CUL5: variants seen among roughly 807,000 people sequenced by gnomAD.
The protein encoded by CUL5 is cullin 5.
A neutral mutation model predicts 108.8 loss-of-function variants in CUL5; 26 were observed. The ratio of observed to expected loss-of-function variants is 0.24; its 90% CI spans 0.18 to 0.33. The LOEUF (loss-of-function observed/expected upper bound fraction) is 0.33. CUL5 is among the 10% of genes least tolerant of loss of function. The pLI, the probability that CUL5 is intolerant of heterozygous loss-of-function variation, is 1.00. For synonymous variants in CUL5, 334 were observed against 298.0 expected (o/e 1.12, Z -1.25); for missense variants, 524 against 909.2 (o/e 0.58, Z 5.45).
At position 108,106,711 on chromosome 11, in the gene CUL5, T is replaced by C. The variant is rs1864812095; in HGVS notation, c.*2327T>C. The C allele has an allele frequency of 6.6e-6, 1 of 151,732 alleles. No homozygotes were observed. Among genetic ancestry groups the C allele is most frequent in the Non-Finnish European group, 1.5e-5 (1 of 67,884 alleles). 9.4% of individuals were successfully genotyped at this position (151,732 alleles called of 1,614,324 possible). A position where few individuals can be genotyped will look rare whatever the true frequency, so the allele number is the denominator to read the frequency against. Reference sequence around the variant, plus strand: ...AAAAAAAAATCTTACCAGCAGTTTGTAAAGGTCTGGAATCACAGTTGGCAT... The same window carrying C: ...AAAAAAAAATCTTACCAGCAGTTTGCAAAGGTCTGGAATCACAGTTGGCAT... On this transcript the variant is annotated 3_prime_UTR_variant, in exon 19 of 19. Transcript: ENST00000393094.
intron 7 of CUL5, among the ~76,000 whole-genome samples, chr11:108,062,938 T>C (rs548491938): frequency 1.3e-5 from 2 of 152,216 alleles, no homozygotes; most frequent in South Asian, 4.2e-4. Flanking sequence ...CTCCGCCTCC[T>C]GGGTTCAAGT....
intron 2 of CUL5, among the ~76,000 whole-genome samples, chr11:108,036,110 C>T (rs889032546): frequency 2.6e-5 from 4 of 152,162 alleles, no homozygotes; most frequent in Non-Finnish European, 5.9e-5. Context: ...TCTAATTTCA[C>T]AAGAATTCAA....
chr11:108,102,617 C>T (rs1258830724), intron 18 of CUL5, among the ~76,000 whole-genome samples: 1 of 152,152 alleles, frequency 6.6e-6, no homozygotes, highest in Non-Finnish European at 1.5e-5. Flanking sequence ...AGGCATGAGC[C>T]ACCCTCCCTG....
At chr11:108,077,080 C>G (rs1244377821) in intron 10 of CUL5, among the ~76,000 whole-genome samples, 6 of 152,160 alleles carry the variant, frequency 3.9e-5, no homozygotes. Context: ...CTGACACAGG[C>G]TCTAATCACC....
At chr11:108,030,799 T>C (rs1460610104) in intron 1 of CUL5, among the ~76,000 whole-genome samples, 1 of 152,216 alleles carries the variant, frequency 6.6e-6, no homozygotes, top group African/African-American at 2.4e-5. Flanking sequence ...ATAGACCATC[T>C]AACATTATTT....
At chr11:108,012,055 A>G (rs955177564) in intron 1 of CUL5, among the ~76,000 whole-genome samples, 4 of 152,240 alleles carry the variant, frequency 2.6e-5, no homozygotes, top group African/African-American at 7.2e-5. Context: ...TGACATATAC[A>G]GTTAACTGCT....
At chr11:108,018,692 A>T (rs1431633338) in intron 1 of CUL5, among the ~76,000 whole-genome samples, 3 of 151,956 alleles carry the variant, frequency 2.0e-5, no homozygotes, top group Non-Finnish European at 4.4e-5. Flanking sequence ...AAAGAGAGAG[A>T]GAAACATCAC....
intron 3 of CUL5, among the ~76,000 whole-genome samples, chr11:108,048,225 A>T (rs1863114084): frequency 6.6e-6 from 1 of 152,032 alleles, no homozygotes; most frequent in South Asian, 2.1e-4. Flanking sequence ...ATATGCATTG[A>T]AATGTTTATA....
intron 10 of CUL5, 81 bp downstream of exon 10, chr11:108,073,578 T>G (rs1166664220): frequency 5.2e-6 from 3 of 580,266 alleles, no homozygotes. Context: ...TTTGCATTAT[T>G]TTTCTATTAA....
chr11:108,083,475 A>T (rs1864148942), intron 11 of CUL5, among the ~76,000 whole-genome samples: 1 of 152,194 alleles, frequency 6.6e-6, no homozygotes, highest in Admixed American at 6.5e-5. Flanking sequence ...ACTATGTCCT[A>T]CTTTTAGCTC....
chr11:108,098,168 A>G (rs1353594243), intron 17 of CUL5, among the ~76,000 whole-genome samples: 1 of 152,218 alleles, frequency 6.6e-6, no homozygotes, highest in African/African-American at 2.4e-5. Flanking sequence ...AATATAAAAT[A>G]TTAACTTTGT....
chr11:108,025,201 T>C (rs1013259227), intron 1 of CUL5, among the ~76,000 whole-genome samples: 4 of 152,224 alleles, frequency 2.6e-5, no homozygotes, highest in Non-Finnish European at 4.4e-5. Context: ...TTTGGTCATA[T>C]AGAATATGTA....
intron 11 of CUL5, among the ~76,000 whole-genome samples, chr11:108,079,114 A>T (rs569678547): frequency 6.6e-6 from 1 of 151,760 alleles, no homozygotes; most frequent in Non-Finnish European, 1.5e-5. Flanking sequence ...TAATTTATTT[A>T]TTTATTCGAG....
Position 108,104,332 on chromosome 11 carries a change from A to G in CUL5, c.2291A>G (p.Lys764Arg). The G allele has an allele frequency of 1.3e-6, 2 of 1,599,968 alleles. No homozygotes were observed. Among genetic ancestry groups the G allele is most frequent in the Non-Finnish European group, 1.7e-6 (2 of 1,175,868 alleles). Residue 764 changes from lysine to arginine, a missense_variant, in exon 19 of 19, where the codon AAA becomes AGA. Coordinates refer to ENST00000393094, the MANE Select transcript of CUL5 (RefSeq NM_003478.6). ...CAAATAGAGTGGCTAATAGAGCACA[A>G]ATACATCAGAAGAGATGAATCTGAT... is the stretch of plus-strand genomic sequence containing the variant. ...KEQIEWLIEH[K>R]YIRRDESDIN...
chr11:108,065,009 TTTTA>T lies in CUL5; in HGVS notation c.781-5078_781-5075del, dbSNP rs889787731. 3.9e-5 allele frequency among the ~76,000 whole-genome samples: 6 copies of T among 151,936 alleles called. No individual in the cohort carries two copies. The South Asian group carries it at 6.2e-4, about 16-fold the overall frequency. ...CTTTGTTGGGAGAAATTTTATTTCA[TTTTA>T]TTTATTTAATTAATTAATTAATTTT... On this transcript the variant is annotated intron_variant, in intron 7 of 18. Transcript: ENST00000393094.
rs761793326 is a variant in CUL5 at position 108,088,509 on chromosome 11, TTTTAA to T, written c.1179-14_1179-10del. ...CATTAATCATTTTTCCATCAACTGC[TTTTAA>T]TTTGTTTTTTAGGGTGGGATTAAAA... On this transcript the variant is annotated splice_polypyrimidine_tract_variant and intron_variant, in intron 11 of 18. Coordinates refer to ENST00000393094, the MANE Select transcript of CUL5 (RefSeq NM_003478.6). 9.5e-6 allele frequency: 15 copies of T among 1,575,668 alleles called. No individual in the cohort carries two copies. The Admixed American group carries it at 1.7e-4, about 18-fold the overall frequency.
chr11:108,054,117 A>G (rs889390496), intron 5 of CUL5, among the ~76,000 whole-genome samples: 6 of 152,206 alleles, frequency 3.9e-5, no homozygotes, highest in African/African-American at 1.4e-4. Context: ...CAGTGCTGGG[A>G]TTACAAGTGT....
chr11:108,081,960 A>G (rs925209565), intron 11 of CUL5, among the ~76,000 whole-genome samples: 3 of 152,246 alleles, frequency 2.0e-5, no homozygotes, highest in African/African-American at 7.2e-5. Context: ...TTCTAATTCC[A>G]TATGAATTTG....
intron 17 of CUL5, among the ~76,000 whole-genome samples, chr11:108,098,194 A>G (rs113157122): frequency 2.0e-5 from 3 of 152,344 alleles, no homozygotes; most frequent in African/African-American, 7.2e-5. Context: ...CAGAGAATGT[A>G]GTCACTTGTT....
Sources: gnomAD v4.1 joint callset for allele counts (sites outside exome capture counted in the v4.1 genomes callset) on GRCh38, gnomAD v4.1.1 for gene constraint, MANE v1.5 for transcripts, NCBI Gene and HGNC (gene_info 2026-07-23, HGNC 2026-07-21) for gene names.